The following TMEM67 variants were observed in gnomAD, a reference collection of about 807,000 sequenced individuals.
The protein encoded by TMEM67 is transmembrane protein 67, also known as meckelin.
A neutral mutation model predicts 136.6 loss-of-function variants in TMEM67; 124 were observed. That is an observed-to-expected ratio of 0.91 (90% CI 0.78 to 1.05). TMEM67 has a LOEUF of 1.05. Ranked by LOEUF, TMEM67 falls within the 50% of genes least tolerant of loss-of-function variation. The pLI is 0.00. For missense variants in TMEM67, 1,107 were observed against 1,178.4 expected (o/e 0.94, Z 0.89); for synonymous variants, 364 against 390.5 (o/e 0.93, Z 0.80).
chr8:93,757,609 C>G (rs1429678350), intron 2 of TMEM67, among the ~76,000 whole-genome samples: 1 of 150,526 alleles, frequency 6.6e-6, no homozygotes, highest in Non-Finnish European at 1.5e-5. Flanking sequence ...GCACTCCAGC[C>G]TGGCAACAGA....
At chr8:93,813,751 C>T (rs1327941293) in intron 26 of TMEM67, among the ~76,000 whole-genome samples, 2 of 151,904 alleles carry the variant, frequency 1.3e-5, no homozygotes, top group African/African-American at 4.8e-5. Context: ...AAGAGGTATC[C>T]AGTAGGCATT....
chr8:93,782,412 G>A lies in TMEM67; in HGVS notation c.1083G>A (p.Glu361=). ...TGCTGCAGCTTTGTCCAGACACAGA[G>A]ACAAGGCTAAATGCTGCTTATTCAT... The part of the protein sequence containing the change: ...GGVLQLCPDT[E]TRLNAAYSFG... The change falls in exon 11 of 28, where the codon GAG becomes GAA. Residue 361 remains glutamate (E), a synonymous_variant. Coordinates refer to ENST00000453321, the MANE Select transcript of TMEM67 (RefSeq NM_153704.6). The A allele has an allele frequency of 1.2e-6, 2 of 1,613,108 alleles. No homozygotes were observed. Among genetic ancestry groups the A allele is most frequent in the Non-Finnish European group, 1.7e-6 (2 of 1,179,556 alleles).
chr8:93,818,844 C>A, downstream of TMEM67: 1 of 299,844 alleles, frequency 3.3e-6, no homozygotes, highest in Non-Finnish European at 6.4e-6. Context: ...CTCTTATCAC[C>A]CAGGTTGGAA....
chr8:93,804,601 A>T (rs1328818612), intron 22 of TMEM67, among the ~76,000 whole-genome samples, 161 bp from the exon 23 acceptor site: 3 of 150,924 alleles, frequency 2.0e-5, no homozygotes, highest in Admixed American at 2.0e-4. Context: ...AAAAAAACAC[A>T]AACCTTATTA....
chr8:93,785,927 T>C (rs1349759053), intron 12 of TMEM67: 1 of 355,410 alleles, frequency 2.8e-6, no homozygotes, highest in African/African-American at 2.1e-5. Context: ...AAATTTAGCT[T>C]GGTGTGATGG....
At position 93,817,671 on chromosome 8, in the gene TMEM67, C is replaced by G. The variant is rs907918005; in HGVS notation, c.*1219C>G. On this transcript the variant is annotated 3_prime_UTR_variant, in exon 28 of 28. Transcript: ENST00000453321. ...ATATATACTAAAACATTTGGTATTT[C>G]TGTTTTCTGTTTCATTAATGTATAT... 2 of 152,094 alleles carry G rather than the reference C, an allele frequency of 1.3e-5. No individual in the cohort carries two copies. Among genetic ancestry groups the G allele is most frequent in the African/African-American group, 4.8e-5 (2 of 41,402 alleles). The allele number at this position is 152,094 out of a possible 1,614,324, so 9.4% of individuals were successfully genotyped here.
chr8:93,783,584 A>G (rs867067178), intron 11 of TMEM67, among the ~76,000 whole-genome samples: 4 of 152,278 alleles, frequency 2.6e-5, no homozygotes, highest in East Asian at 1.9e-4. Context: ...GAGCCATTCA[A>G]TACTTGAAAA....
the TMEM67 span, among the ~76,000 whole-genome samples, chr8:93,830,297 A>T: frequency 2.0e-5 from 3 of 152,248 alleles, no homozygotes; most frequent in Non-Finnish European, 4.4e-5. Flanking sequence ...CACCCTACAC[A>T]TCTCTCCATC....
chr8:93,824,142 G>T (rs1809078567), downstream of TMEM67, among the ~76,000 whole-genome samples: 1 of 152,158 alleles, frequency 6.6e-6, no homozygotes, highest in South Asian at 2.1e-4. Context: ...TTTAAAAAAA[G>T]ATTTTAAAAT....
chr8:93,828,910 T>G, the TMEM67 span, among the ~76,000 whole-genome samples: 2 of 152,238 alleles, frequency 1.3e-5, no homozygotes, highest in Non-Finnish European at 2.9e-5. Flanking sequence ...ATGTTATATT[T>G]ATGTTAACAC....
At chr8:93,797,874 C>T (rs867861354) in intron 20 of TMEM67, among the ~76,000 whole-genome samples, 88 of 151,972 alleles carry the variant, frequency 5.8e-4, no homozygotes, top group African/African-American at 2.1e-3. Context: ...CCCAGCTGCT[C>T]GGGAGGCTGA....
chr8:93,795,021 C>T (rs910311932), intron 16 of TMEM67: 5 of 248,016 alleles, frequency 2.0e-5, no homozygotes, highest in Non-Finnish European at 3.1e-5. Flanking sequence ...ATTTATATTG[C>T]AATGAGGAGT....
At chr8:93,795,570 T>A in intron 17 of TMEM67, 63 bp downstream of exon 17, 1 of 1,364,582 alleles carries the variant, frequency 7.3e-7, no homozygotes, top group Non-Finnish European at 1.0e-6. Context: ...GCTTTCTTTA[T>A]AAAGGAACTA....
the TMEM67 span, among the ~76,000 whole-genome samples, chr8:93,830,117 A>G: frequency 6.6e-6 from 1 of 152,158 alleles, no homozygotes; most frequent in Non-Finnish European, 1.5e-5. Flanking sequence ...ATTAGATCAT[A>G]TCCCTTTGTC....
At chr8:93,758,402 C>G (rs940359648) in intron 2 of TMEM67, 81 bp from the exon 3 acceptor site, 2 of 1,053,038 alleles carry the variant, frequency 1.9e-6, no homozygotes, top group African/African-American at 1.6e-5. Flanking sequence ...GTTACATACT[C>G]TTATGGCATT....
At chr8:93,776,640 GT>G (rs1813555766) in intron 7 of TMEM67, among the ~76,000 whole-genome samples, 1 of 152,164 alleles carries the variant, frequency 6.6e-6, no homozygotes, top group African/African-American at 2.4e-5. Context: ...TTCTGTTTAT[GT>G]GGTGGATTAC....
At chr8:93,824,134 TA>T (rs549807819), downstream of TMEM67, among the ~76,000 whole-genome samples, 1 of 152,166 alleles carries the variant, frequency 6.6e-6, no homozygotes, top group Non-Finnish European at 1.5e-5. Context: ...CCAGGACTTT[TA>T]AAAAAAGATT....
At chr8:93,755,266 C>A in intron 1 of TMEM67, 129 bp downstream of exon 1, 1 of 895,122 alleles carries the variant, frequency 1.1e-6, no homozygotes, top group Non-Finnish European at 1.8e-6. Flanking sequence ...GTGATCCACC[C>A]GCCTCCGCCT....
At position 93,790,454 on chromosome 8, in the gene TMEM67, G is replaced by A. The variant is rs1480641178; in HGVS notation, c.1519-809G>A. On this transcript the variant is annotated intron_variant, in intron 14 of 27. Transcript: ENST00000453321. ...ATGTCTTATTCAGCCAAGTCTCTCTGCAAGTCCCTTTCCTTTGCTTATAAA... is the reference window on the plus strand; with the variant it reads ...ATGTCTTATTCAGCCAAGTCTCTCTACAAGTCCCTTTCCTTTGCTTATAAA... 3.9e-5 allele frequency among the ~76,000 whole-genome samples: 6 copies of A among 152,202 alleles called. No individual in the cohort carries two copies. The East Asian group carries it at 1.2e-3, about 29-fold the overall frequency.
Sources: allele counts gnomAD v4.1 joint callset (sites outside exome capture counted in the v4.1 genomes callset), GRCh38; gene constraint gnomAD v4.1.1; transcripts MANE v1.5; gene names NCBI Gene and HGNC (gene_info 2026-07-23, HGNC 2026-07-21).